Variants in RPIA observed in about 807,000 individuals in gnomAD.
RPIA encodes the protein ribose-5-phosphate isomerase.
RPIA carries 29 observed loss-of-function variants against 37.8 expected under a neutral mutation model. The observed-to-expected ratio is 0.77, with a 90% CI of 0.57 to 1.05. The LOEUF is 1.05. Among genes scored for constraint, RPIA ranks in the 50% least tolerant of loss-of-function variants. RPIA has a pLI of 0.00. For synonymous variants in RPIA, 167 were observed against 157.0 expected (o/e 1.06, Z -0.48); for missense variants, 385 against 413.6 (o/e 0.93, Z 0.60).
intron 3 of RPIA, among the ~76,000 whole-genome samples, chr2:88,723,191 A>G (rs570557865): frequency 6.6e-6 from 1 of 152,184 alleles, no homozygotes; most frequent in Non-Finnish European, 1.5e-5. Context: ...CGAGTGCTCT[A>G]ATGGTAAGGA....
At chr2:88,699,001 T>C (rs1370059906) in intron 2 of RPIA, among the ~76,000 whole-genome samples, 1 of 152,210 alleles carries the variant, frequency 6.6e-6, no homozygotes, top group African/African-American at 2.4e-5. Flanking sequence ...TTAGGGTGTC[T>C]CTATGCTTAG....
At chr2:88,719,741 G>A (rs1359565635) in intron 3 of RPIA, among the ~76,000 whole-genome samples, 1 of 152,054 alleles carries the variant, frequency 6.6e-6, no homozygotes, top group Non-Finnish European at 1.5e-5. Context: ...TTTCCAAAAT[G>A]TATAAACAAT....
At chr2:88,743,535 G>T (rs28815809) in intron 8 of RPIA, among the ~76,000 whole-genome samples, 9,215 of 152,100 alleles carry the variant, frequency 0.061, 500 homozygotes, top group African/African-American at 0.14. Flanking sequence ...TGGTATTAGG[G>T]TAATACTGGC....
chr2:88,725,368 T>C (rs1673182785), intron 3 of RPIA, among the ~76,000 whole-genome samples: 1 of 152,048 alleles, frequency 6.6e-6, no homozygotes, highest in East Asian at 1.9e-4. Flanking sequence ...AGAAATGTGT[T>C]GTCTCAGAGT....
intron 3 of RPIA, among the ~76,000 whole-genome samples, chr2:88,725,524 C>T (rs984005972): frequency 8.5e-5 from 13 of 152,082 alleles, no homozygotes; most frequent in East Asian, 3.9e-4. Flanking sequence ...GGCCCATCCC[C>T]TGATCTCTGC....
At chr2:88,700,619 A>C (rs1426153060) in intron 3 of RPIA, among the ~76,000 whole-genome samples, 3 of 152,126 alleles carry the variant, frequency 2.0e-5, no homozygotes, top group Non-Finnish European at 4.4e-5. Flanking sequence ...GTGCCAGTGC[A>C]CTCCAGCCTG....
intron 1 of RPIA, among the ~76,000 whole-genome samples, chr2:88,698,201 T>C (rs533378858): frequency 1.3e-5 from 2 of 152,176 alleles, no homozygotes; most frequent in African/African-American, 4.8e-5. Flanking sequence ...TTGCAAGTAA[T>C]TGCACCAATT....
intron 3 of RPIA, among the ~76,000 whole-genome samples, chr2:88,718,429 C>T (rs752106283): frequency 4.6e-5 from 7 of 151,998 alleles, no homozygotes; most frequent in Admixed American, 1.3e-4. Context: ...TTTTTAAAGC[C>T]GAGCCCAGCC....
At chr2:88,712,961 C>T (rs567703753) in intron 3 of RPIA, among the ~76,000 whole-genome samples, 8 of 151,246 alleles carry the variant, frequency 5.3e-5, no homozygotes, top group Non-Finnish European at 7.4e-5. Flanking sequence ...CTCCGCCTCC[C>T]GTGTTCAAGT....
At chr2:88,741,258 C>A (rs374786881) in intron 8 of RPIA, among the ~76,000 whole-genome samples, 1 of 152,106 alleles carries the variant, frequency 6.6e-6, no homozygotes, top group Non-Finnish European at 1.5e-5. Flanking sequence ...ATCATTCTTA[C>A]ACCTTTGCGT....
At chr2:88,722,164 C>CTT (rs59179173) in intron 3 of RPIA, among the ~76,000 whole-genome samples, 22 of 150,512 alleles carry the variant, frequency 1.5e-4, no homozygotes, top group African/African-American at 3.2e-4. Flanking sequence ...CAAAAAAACC[C>CTT]TTTTTTTTTA....
Position 88,721,567 on chromosome 2 carries a change from ACACACC to A in RPIA, c.403-7709_403-7704del, listed in dbSNP as rs373624647. On this transcript the variant is annotated intron_variant, in intron 3 of 8. Transcript: ENST00000283646. ...TATACACACACACACACACACACAC[ACACACC>A]CCCCCCCCCACATGCACACATGTTT... Among the ~76,000 whole-genome samples, 187 of 58,002 alleles carry A rather than the reference ACACACC, an allele frequency of 3.2e-3. 12 individuals carry two copies. Among genetic ancestry groups the A allele is most frequent in the East Asian group, 7.6e-3 (10 of 1,324 alleles). The allele number at this position is 58,002 out of a possible 152,430, so 38.1% of individuals were successfully genotyped here. A position where few individuals can be genotyped will look rare whatever the true frequency, so the allele number is the denominator to read the frequency against.
chr2:88,745,687 C>A (rs1413009112), intron 8 of RPIA, among the ~76,000 whole-genome samples: 1 of 152,176 alleles, frequency 6.6e-6, no homozygotes, highest in Admixed American at 6.5e-5. Context: ...TTACCTAATG[C>A]TTTTGCCTGG....
intron 8 of RPIA, among the ~76,000 whole-genome samples, chr2:88,742,599 C>T (rs1001187851): frequency 2.0e-5 from 3 of 151,880 alleles, no homozygotes; most frequent in African/African-American, 7.3e-5. Flanking sequence ...GGCGGTATTT[C>T]GATGGGAATG....
intron 3 of RPIA, among the ~76,000 whole-genome samples, chr2:88,713,357 T>G (rs1672987857): frequency 1.3e-5 from 2 of 151,856 alleles, no homozygotes; most frequent in Non-Finnish European, 2.9e-5. Context: ...TTTTCCTCAG[T>G]CATCATTTGA....
At chr2:88,696,838 G>T (rs896387200) in intron 1 of RPIA, among the ~76,000 whole-genome samples, 3 of 152,152 alleles carry the variant, frequency 2.0e-5, no homozygotes, top group Admixed American at 1.3e-4. Flanking sequence ...CTATGGGTGG[G>T]CACCAATCCT....
intron 3 of RPIA, among the ~76,000 whole-genome samples, chr2:88,722,164 CT>C (rs59179173): frequency 0.016 from 2,396 of 150,492 alleles, 70 homozygotes; most frequent in African/African-American, 0.054. Context: ...CAAAAAAACC[CT>C]TTTTTTTTAT....
intron 3 of RPIA, among the ~76,000 whole-genome samples, chr2:88,725,874 T>C (rs1673190613): frequency 6.6e-6 from 1 of 152,178 alleles, no homozygotes; most frequent in Admixed American, 6.5e-5. Context: ...GTTGGAGAAC[T>C]TGCTGATGGG....
chr2:88,691,767 G>A lies in RPIA; in HGVS notation c.69G>A (p.Gly23=), dbSNP rs769685619. 1.3e-6 allele frequency: 2 copies of A among 1,593,834 alleles called. No individual in the cohort carries two copies. Among genetic ancestry groups the A allele is most frequent in the Non-Finnish European group, 1.7e-6 (2 of 1,174,290 alleles). ...RVLAPLPGRA[G]GAASGGGGNS... is the part of the protein sequence containing the mutation. ...TGGCCCCGCTGCCCGGGAGGGCCGG[G>A]GGCGCGGCCTCCGGCGGAGGAGGGA... The change falls in exon 1 of 9, where the codon GGG becomes GGA. Residue 23 remains glycine (G), a synonymous_variant. Coordinates refer to ENST00000283646, the MANE Select transcript of RPIA (RefSeq NM_144563.3).
Sources: gnomAD v4.1 joint callset for allele counts (sites outside exome capture counted in the v4.1 genomes callset) on GRCh38, gnomAD v4.1.1 for gene constraint, MANE v1.5 for transcripts, NCBI Gene and HGNC (gene_info 2026-07-23, HGNC 2026-07-21) for gene names.